Variants in ABAT observed in about 807,000 individuals in gnomAD.
ABAT encodes 4-aminobutyrate aminotransferase.
In ABAT, 45 loss-of-function variants were observed where a neutral mutation model predicts 64.6. That is an observed-to-expected ratio of 0.70 (90% CI 0.55 to 0.89). ABAT has a LOEUF of 0.89. ABAT is among the 40% of genes least tolerant of loss of function. ABAT has a pLI of 0.00. For missense variants in ABAT, 633 were observed against 658.4 expected (o/e 0.96, Z 0.42); for synonymous variants, 297 against 250.5 (o/e 1.19, Z -1.75).
intron 1 of ABAT, among the ~76,000 whole-genome samples, chr16:8,695,836 A>T (rs1301974225): frequency 6.6e-6 from 1 of 152,238 alleles, no homozygotes; most frequent in East Asian, 1.9e-4. Context: ...CACCAGCTCA[A>T]TGCCAGTTCT....
At chr16:8,762,197 C>G (rs952979149) in intron 6 of ABAT, among the ~76,000 whole-genome samples, 2 of 152,210 alleles carry the variant, frequency 1.3e-5, no homozygotes, top group Non-Finnish European at 2.9e-5. Context: ...CCAGGCCCAT[C>G]TCATTACATT....
intron 1 of ABAT, among the ~76,000 whole-genome samples, chr16:8,726,353 C>T (rs1484545946): frequency 4.7e-5 from 7 of 147,778 alleles, no homozygotes; most frequent in South Asian, 2.1e-4. Context: ...CTCTGCCTCC[C>T]GGGTTCAAGC....
intron 1 of ABAT, among the ~76,000 whole-genome samples, chr16:8,690,184 T>G (rs967703781): frequency 1.3e-5 from 2 of 152,210 alleles, no homozygotes; most frequent in Non-Finnish European, 2.9e-5. Context: ...GCCCAGGTTC[T>G]GGCAGCAGCA....
intron 1 of ABAT, among the ~76,000 whole-genome samples, chr16:8,693,833 T>G (rs1400266026): frequency 6.6e-6 from 1 of 152,066 alleles, no homozygotes; most frequent in Non-Finnish European, 1.5e-5. Context: ...TTCTTTTAAG[T>G]AAATTTTTTG....
chr16:8,700,570 C>G (rs1350607150), intron 1 of ABAT, among the ~76,000 whole-genome samples: 1 of 152,128 alleles, frequency 6.6e-6, no homozygotes, highest in Non-Finnish European at 1.5e-5. Context: ...TCAGGCGTCT[C>G]CCTCTGCACT....
chr16:8,774,828 G>C, intron 12 of ABAT, 62 bp from the exon 13 acceptor site: 1 of 1,602,646 alleles, frequency 6.2e-7, no homozygotes, highest in Non-Finnish European at 8.5e-7. Context: ...TGGCTATGGA[G>C]GGCATGAATT....
intron 1 of ABAT, among the ~76,000 whole-genome samples, chr16:8,693,876 T>C (rs1308505558): frequency 6.6e-6 from 1 of 151,994 alleles, no homozygotes; most frequent in African/African-American, 2.4e-5. Context: ...CACACAGTCA[T>C]AAGAAATGAT....
chr16:8,762,235 C>T (rs936401402), intron 6 of ABAT, among the ~76,000 whole-genome samples: 1 of 152,240 alleles, frequency 6.6e-6, no homozygotes, highest in East Asian at 1.9e-4. Flanking sequence ...TAATCATGGA[C>T]ATTGCATGTG....
At chr16:8,756,814 G>A (rs904486282) in intron 5 of ABAT, among the ~76,000 whole-genome samples, 1 of 152,180 alleles carries the variant, frequency 6.6e-6, no homozygotes, top group African/African-American at 2.4e-5. Context: ...TCACAATTAA[G>A]ATCCATGCTC....
At chr16:8,749,386 CTTTTTTTTTTTTTTT>C (rs1160144275) in intron 4 of ABAT, among the ~76,000 whole-genome samples, 23 of 31,984 alleles carry the variant, frequency 7.2e-4, no homozygotes, top group South Asian at 4.6e-3. Context: ...CGCACCCGGC[CTTTTTTTTTTTTTTT>C]TTTTTTTTTT....
chr16:8,737,545 A>G (rs1181752812), intron 2 of ABAT: 1 of 152,054 alleles, frequency 6.6e-6, no homozygotes, highest in Admixed American at 6.6e-5. Flanking sequence ...AGTTACAAAG[A>G]TATTACAGGG....
intron 1 of ABAT, among the ~76,000 whole-genome samples, chr16:8,721,240 G>A (rs2058361659): frequency 6.6e-6 from 1 of 152,134 alleles, no homozygotes; most frequent in South Asian, 2.1e-4. Context: ...TTCATATCCA[G>A]CACCTCACAC....
chr16:8,756,360 T>C (rs1216800867), intron 5 of ABAT, among the ~76,000 whole-genome samples: 2 of 152,234 alleles, frequency 1.3e-5, no homozygotes, highest in African/African-American at 4.8e-5. Context: ...ACAGAGTAAT[T>C]CTTATTAATT....
chr16:8,721,579 T>A (rs1432576382), intron 1 of ABAT, among the ~76,000 whole-genome samples: 1 of 152,184 alleles, frequency 6.6e-6, no homozygotes, highest in Non-Finnish European at 1.5e-5. Context: ...CTGAACCGGT[T>A]TTATAACGCC....
chr16:8,682,384 C>T (rs1459650576), intron 1 of ABAT, among the ~76,000 whole-genome samples: 1 of 152,142 alleles, frequency 6.6e-6, no homozygotes. Context: ...ACAAATTCCA[C>T]TGTGGGAAAA....
At chr16:8,731,954 A>G (rs2058733713) in intron 1 of ABAT, among the ~76,000 whole-genome samples, 1 of 151,966 alleles carries the variant, frequency 6.6e-6, no homozygotes, top group Non-Finnish European at 1.5e-5. Context: ...CCCGAGTTGA[A>G]GTGATTCTCC....
intron 14 of ABAT, among the ~76,000 whole-genome samples, chr16:8,778,483 C>G (rs1286963402): frequency 2.0e-5 from 3 of 152,058 alleles, no homozygotes; most frequent in African/African-American, 7.2e-5. Context: ...TATAAAGATA[C>G]CAGTCATTGA....
intron 1 of ABAT, 73 bp from the exon 2 acceptor site, chr16:8,735,626 G>C: frequency 2.4e-6 from 3 of 1,224,634 alleles, no homozygotes; most frequent in Non-Finnish European, 3.5e-6. Context: ...GTGGGAAGTG[G>C]TGGGGATGGG....
chr16:8,702,442 A>T (rs549766095), intron 1 of ABAT, among the ~76,000 whole-genome samples: 1 of 152,104 alleles, frequency 6.6e-6, no homozygotes, highest in African/African-American at 2.4e-5. Context: ...TAGTAGAGAC[A>T]GTGTTTCACC....
Sources: allele counts gnomAD v4.1 joint callset (sites outside exome capture counted in the v4.1 genomes callset), GRCh38; gene constraint gnomAD v4.1.1; transcripts MANE v1.5; gene names NCBI Gene and HGNC (gene_info 2026-07-23, HGNC 2026-07-21).